Variants in USP24 observed in about 807,000 individuals in gnomAD.
USP24 encodes the protein ubiquitin carboxyl-terminal hydrolase 24.
In USP24, 97 loss-of-function variants were observed where a neutral mutation model predicts 361.6. The observed-to-expected ratio is 0.27, with a 90% CI of 0.23 to 0.32. The LOEUF (loss-of-function observed/expected upper bound fraction) is 0.32, where lower values mean the gene tolerates loss of function less well. USP24 is among the 10% of genes least tolerant of loss of function. The pLI is 1.00. For synonymous variants in USP24, 1,098 were observed against 1,124.6 expected, an observed-to-expected ratio of 0.98 and a Z score of 0.47; for missense variants, 2,353 against 3,165.6, an observed-to-expected ratio of 0.74 and a Z score of 6.16.
chr1:55,141,773 A>C, intron 23 of USP24, 42 bp from the exon 24 acceptor site: 1 of 1,523,842 alleles, frequency 6.6e-7, no homozygotes, highest in South Asian at 1.2e-5. Context: ...GGGTTTCTCA[A>C]CCTGGACTCT....
Position 55,178,172 on chromosome 1 carries a change from A to G in USP24, c.325-40T>C. On this transcript the variant is annotated intron_variant, in intron 1 of 67. Coordinates refer to ENST00000294383, the MANE Select transcript of USP24 (RefSeq NM_015306.3). ...TTAAGATAAAAAGCAAATAAAACTA[A>G]TTAGTGATTACTCTAAAAATTTCCT... The G allele has an allele frequency of 1.9e-6, 3 of 1,546,660 alleles. No individual in the cohort carries two copies. In the South Asian group the frequency reaches 3.6e-5, roughly 18 times the overall value.
At chr1:55,088,827 GCA>G (rs1645309239) in intron 55 of USP24, among the ~76,000 whole-genome samples, 1 of 152,092 alleles carries the variant, frequency 6.6e-6, no homozygotes, top group Non-Finnish European at 1.5e-5. Flanking sequence ...AGTGATTGGA[GCA>G]TTCTGAATTT....
chr1:55,146,123 C>T lies in USP24; in HGVS notation c.2251-14G>A, dbSNP rs200979828. ...TTCAAAACACATCTGTGGAATAAGACGAATATCACCCTATAACTAAGATCC... is the reference window on the plus strand; with the variant it reads ...TTCAAAACACATCTGTGGAATAAGATGAATATCACCCTATAACTAAGATCC... On this transcript the variant is annotated splice_polypyrimidine_tract_variant and intron_variant, in intron 19 of 67. Transcript: ENST00000294383. 44 of 1,577,302 alleles carry T rather than the reference C, an allele frequency of 2.8e-5. No individual in the cohort carries two copies. Among genetic ancestry groups the T allele is most frequent in the African/African-American group, 2.2e-4 (16 of 74,206 alleles).
At chr1:55,208,839 G>A (rs1002520296) in intron 1 of USP24, among the ~76,000 whole-genome samples, 1 of 151,922 alleles carries the variant, frequency 6.6e-6, no homozygotes. Context: ...GGGAGGCTGA[G>A]GCAGAAGAAT....
intron 34 of USP24, 83 bp from the exon 35 acceptor site, chr1:55,124,711 T>C: frequency 1.4e-6 from 2 of 1,471,222 alleles, no homozygotes; most frequent in South Asian, 2.5e-5. Context: ...CAGGTCTCAG[T>C]TTCATACGCC....
chr1:55,139,858 C>A (rs931519576), intron 24 of USP24, among the ~76,000 whole-genome samples: 3 of 152,040 alleles, frequency 2.0e-5, no homozygotes, highest in African/African-American at 7.2e-5. Context: ...AGTCTATGGG[C>A]AAGAACTAGA....
chr1:55,145,350 A>T (rs1412626222), intron 20 of USP24, among the ~76,000 whole-genome samples: 1 of 152,236 alleles, frequency 6.6e-6, no homozygotes, highest in Non-Finnish European at 1.5e-5. Flanking sequence ...GTACTGATAC[A>T]TGCTACAACC....
At chr1:55,211,266 T>C (rs1430674182) in intron 1 of USP24, among the ~76,000 whole-genome samples, 1 of 152,212 alleles carries the variant, frequency 6.6e-6, no homozygotes. Context: ...TCTTTAATAA[T>C]AGAACAGACT....
intron 60 of USP24, among the ~76,000 whole-genome samples, chr1:55,079,289 G>A (rs1226679716): frequency 3.3e-5 from 5 of 152,194 alleles, no homozygotes; most frequent in African/African-American, 1.2e-4. Flanking sequence ...GATGGATGAA[G>A]TGCCATTTAC....
intron 1 of USP24, among the ~76,000 whole-genome samples, chr1:55,197,924 C>T (rs1299250564): frequency 3.9e-5 from 6 of 152,112 alleles, no homozygotes; most frequent in Non-Finnish European, 8.8e-5. Flanking sequence ...AAAGCAAATG[C>T]TATTTGCTTT....
Position 55,067,941 on chromosome 1 carries a change from T to G in USP24, c.*1104A>C, listed in dbSNP as rs538423218. ...TGCTTTATATTTATTTCTGGGAAAA[T>G]AAATCTTAAACCTTGACTGACTTTT... is the stretch of plus-strand genomic sequence containing the variant. On this transcript the variant is annotated 3_prime_UTR_variant, in exon 68 of 68. Coordinates refer to ENST00000294383, the MANE Select transcript of USP24 (RefSeq NM_015306.3). The G allele has an allele frequency of 6.6e-6, 1 of 152,308 alleles. No homozygotes were observed. Among genetic ancestry groups the G allele is most frequent in the South Asian group, 2.1e-4 (1 of 4,822 alleles). 9.4% of individuals were successfully genotyped at this position (152,308 alleles called of 1,614,324 possible). A position where few individuals can be genotyped will look rare whatever the true frequency, so the allele number is the denominator to read the frequency against.
intron 8 of USP24, among the ~76,000 whole-genome samples, chr1:55,160,770 C>T (rs1457889903): frequency 6.6e-6 from 1 of 152,044 alleles, no homozygotes; most frequent in African/African-American, 2.4e-5. Context: ...GGTATTTATG[C>T]TAAATTCTCT....
intron 35 of USP24, among the ~76,000 whole-genome samples, chr1:55,123,869 A>G (rs1194064145): frequency 1.3e-5 from 2 of 152,264 alleles, no homozygotes; most frequent in Admixed American, 6.5e-5. Context: ...TTTTGTGGGC[A>G]TGAGGGAGCC....
chr1:55,123,802 C>G (rs941254841), intron 35 of USP24, among the ~76,000 whole-genome samples, 200 bp from the exon 36 acceptor site: 4 of 152,166 alleles, frequency 2.6e-5, no homozygotes, highest in African/African-American at 9.7e-5. Context: ...TGCAGGCAAT[C>G]AAAATGTGTT....
At chr1:55,156,110 C>G (rs183082037) in intron 12 of USP24, among the ~76,000 whole-genome samples, 26 of 152,230 alleles carry the variant, frequency 1.7e-4, no homozygotes, top group African/African-American at 6.0e-4. Context: ...AGGTTTTTCT[C>G]TGGCTTACCA....
intron 36 of USP24, among the ~76,000 whole-genome samples, chr1:55,122,920 T>A (rs74073034): frequency 1.3e-5 from 2 of 151,898 alleles, no homozygotes; most frequent in East Asian, 3.9e-4. Flanking sequence ...GTTGTCAACA[T>A]ATAGATGGAA....
At position 55,202,597 on chromosome 1, in the gene USP24, G is replaced by GT. The variant is rs528645392; in HGVS notation, c.324+12192dup. 3.0e-3 allele frequency among the ~76,000 whole-genome samples: 456 copies of GT among 152,246 alleles called. 5 individuals are homozygous for GT. The highest frequency in any genetic ancestry group is 0.01 in the African/African-American group (417 of 41,546). On this transcript the variant is annotated intron_variant, in intron 1 of 67. Transcript: ENST00000294383. ...TTTTTGTATTTTCAGTAGAGACGGA[G>GT]TTTCACCCTGTTGGTCAGGCTGGTC...
chr1:55,200,938 AG>A (rs1190120199), intron 1 of USP24, among the ~76,000 whole-genome samples: 4 of 152,244 alleles, frequency 2.6e-5, no homozygotes, highest in Admixed American at 1.3e-4. Flanking sequence ...CATAAAGCAA[AG>A]GAAGTGGTGC....
chr1:55,186,936 T>C (rs1394502360), intron 1 of USP24, among the ~76,000 whole-genome samples: 3 of 152,116 alleles, frequency 2.0e-5, no homozygotes, highest in African/African-American at 7.2e-5. Flanking sequence ...TATGTATATA[T>C]TATCACACTT....
Sources: allele counts gnomAD v4.1 joint callset (sites outside exome capture counted in the v4.1 genomes callset), GRCh38; gene constraint gnomAD v4.1.1; transcripts MANE v1.5; gene names NCBI Gene and HGNC (gene_info 2026-07-23, HGNC 2026-07-21).